Variants in ZFHX3 observed in about 807,000 individuals in gnomAD.
ZFHX3 encodes the protein zinc finger homeobox 3.
A neutral mutation model predicts 279.1 loss-of-function variants in ZFHX3; 42 were observed. That is an observed-to-expected ratio of 0.15 (90% CI 0.12 to 0.19). ZFHX3 has a LOEUF of 0.19. ZFHX3 is among the 10% of genes least tolerant of loss of function. The pLI, the probability that ZFHX3 is intolerant of heterozygous loss-of-function variation, is 1.00. For missense variants in ZFHX3, 4,981 were observed against 4,754.0 expected, an observed-to-expected ratio of 1.05 and a Z score of -1.40; for synonymous variants, 2,293 against 1,957.8, an observed-to-expected ratio of 1.17 and a Z score of -4.52.
At chr16:72,838,216 T>C (rs2037247727) in intron 4 of ZFHX3, among the ~76,000 whole-genome samples, 2 of 152,226 alleles carry the variant, frequency 1.3e-5, no homozygotes, top group Non-Finnish European at 2.9e-5. Flanking sequence ...ACTCTGGGTA[T>C]TATTAAAAAT....
chr16:73,270,253 A>C (rs1172774852), intron 4 of ZFHX3, among the ~76,000 whole-genome samples: 1 of 152,208 alleles, frequency 6.6e-6, no homozygotes, highest in African/African-American at 2.4e-5. Flanking sequence ...TATTTAAAAA[A>C]TCACTTTAAA....
At position 73,429,669 on chromosome 16, in the gene ZFHX3, T is replaced by G. The variant is rs530675388; in HGVS notation, c.-1291+26334A>C. ...ATTTTTTTAAGCCAATTTTTAAAAATGTAAAATTGCCAGATTTTAAACGTT... is the reference window on the plus strand; with the variant it reads ...ATTTTTTTAAGCCAATTTTTAAAAAGGTAAAATTGCCAGATTTTAAACGTT... On this transcript the variant is annotated intron_variant, in intron 3 of 17. Transcript: ENST00000641206. 2.0e-5 allele frequency among the ~76,000 whole-genome samples: 3 copies of G among 152,168 alleles called. No homozygotes were observed. The South Asian group carries it at 6.2e-4, about 32-fold the overall frequency.
chr16:73,699,939 C>A (rs972773141), intron 1 of ZFHX3, among the ~76,000 whole-genome samples: 1 of 152,110 alleles, frequency 6.6e-6, no homozygotes, highest in African/African-American at 2.4e-5. Flanking sequence ...AAAAAGCATT[C>A]CTGGCTGGGT....
intron 2 of ZFHX3, among the ~76,000 whole-genome samples, chr16:73,485,817 C>T (rs910337260): frequency 3.9e-5 from 6 of 152,204 alleles, no homozygotes; most frequent in Non-Finnish European, 7.3e-5. Context: ...ATACTACTTC[C>T]CCCACACAGC....
intron 7 of ZFHX3, chr16:73,127,611 C>T (rs1966592774): frequency 7.7e-7 from 1 of 1,293,776 alleles, no homozygotes. Context: ...TGCTGGCAGG[C>T]AAGAAAGGAA....
At chr16:73,715,766 G>T (rs1226850497) in intron 1 of ZFHX3, among the ~76,000 whole-genome samples, 7 of 151,634 alleles carry the variant, frequency 4.6e-5, no homozygotes, top group Non-Finnish European at 1.0e-4. Flanking sequence ...TTGAGTCGGG[G>T]TTTCACCATC....
intron 1 of ZFHX3, among the ~76,000 whole-genome samples, chr16:73,820,760 AC>A (rs1249761191): frequency 6.6e-6 from 1 of 151,884 alleles, no homozygotes; most frequent in African/African-American, 2.4e-5. Flanking sequence ...TAACTGGAAC[AC>A]CAACCACACT....
rs371139392 is a variant in ZFHX3, at chr16:72,917,768, T to TTG, written c.3217-27808_3217-27807dup. On this transcript the variant is annotated intron_variant, in intron 3 of 9. Transcript: ENST00000268489. Reference sequence around the variant, plus strand: ...TGGTAGTGAAATTAGGGATGATTTTTTGTGTGTGTGTCTCTGCATTTCCAA... The same window carrying TTG: ...TGGTAGTGAAATTAGGGATGATTTTTTGTGTGTGTGTGTCTCTGCATTTCCAA... 1.3e-3 allele frequency among the ~76,000 whole-genome samples: 195 copies of TTG among 152,358 alleles called. 2 individuals carry two copies. Among genetic ancestry groups the TTG allele is most frequent in the African/African-American group, 4.3e-3 (179 of 41,586 alleles).
At chr16:73,386,516 CG>C (rs1190725596) in intron 3 of ZFHX3, among the ~76,000 whole-genome samples, 1 of 152,048 alleles carries the variant, frequency 6.6e-6, no homozygotes, top group Admixed American at 6.6e-5. Flanking sequence ...AATAATATTA[CG>C]GACATAACAT....
upstream of ZFHX3, among the ~76,000 whole-genome samples, chr16:73,050,121 A>T (rs1192769170): frequency 1.3e-5 from 2 of 152,238 alleles, no homozygotes; most frequent in African/African-American, 4.8e-5. Flanking sequence ...CATTTTTATT[A>T]ACAGGGGACA....
At chr16:73,860,414 C>G (rs926267791) in intron 1 of ZFHX3, among the ~76,000 whole-genome samples, 2 of 111,296 alleles carry the variant, frequency 1.8e-5, no homozygotes, top group Non-Finnish European at 3.8e-5. Flanking sequence ...GGCAATTTTT[C>G]TAGTCCCACC....
intron 1 of ZFHX3, among the ~76,000 whole-genome samples, chr16:73,766,180 G>A (rs557596817): frequency 7.9e-4 from 120 of 152,230 alleles, no homozygotes; most frequent in South Asian, 1.9e-3. Flanking sequence ...TAGTGACAGC[G>A]TGCATAAAAT....
intron 2 of ZFHX3, among the ~76,000 whole-genome samples, chr16:73,546,658 T>C (rs891801696): frequency 8.1e-5 from 12 of 148,544 alleles, no homozygotes; most frequent in East Asian, 2.0e-4. Flanking sequence ...AGAAAAAGCT[T>C]TGGGTGCTGC....
chr16:73,736,753 A>G (rs568920848), intron 1 of ZFHX3, among the ~76,000 whole-genome samples: 6 of 152,274 alleles, frequency 3.9e-5, no homozygotes, highest in Admixed American at 3.9e-4. Context: ...TTTATCAGCC[A>G]CTCCATTCAT....
chr16:73,351,127 G>A (rs2016233621), intron 3 of ZFHX3, among the ~76,000 whole-genome samples: 1 of 152,218 alleles, frequency 6.6e-6, no homozygotes, highest in Non-Finnish European at 1.5e-5. Context: ...CAGACAGATA[G>A]AAACAGAGGG....
chr16:73,791,659 G>A (rs1597117372), intron 1 of ZFHX3, among the ~76,000 whole-genome samples: 2 of 152,048 alleles, frequency 1.3e-5, no homozygotes, highest in Admixed American at 1.3e-4. Flanking sequence ...TCCTGACCTC[G>A]TGTTCCGTCC....
chr16:73,483,563 T>A, intron 2 of ZFHX3: 1 of 348,364 alleles, frequency 2.9e-6, no homozygotes, highest in Non-Finnish European at 5.6e-6. Context: ...ATCCGTCAGC[T>A]GCCTACAAGG....
intron 1 of ZFHX3, among the ~76,000 whole-genome samples, chr16:73,795,629 C>A (rs1219804315): frequency 6.6e-6 from 1 of 152,194 alleles, no homozygotes; most frequent in Non-Finnish European, 1.5e-5. Context: ...TGACAGGTGT[C>A]CTACAGAATC....
Position 72,798,145 on chromosome 16 carries a change from C to T in ZFHX3, c.4537G>A (p.Val1513Ile), listed in dbSNP as rs367543587. The change falls in exon 9 of 10, where the codon GTA (valine) becomes ATA (isoleucine). Residue 1513 changes from valine to isoleucine, a missense_variant. By Grantham distance (29) the Val-to-Ile change is conservative. Coordinates refer to ENST00000268489, the MANE Select transcript of ZFHX3 (RefSeq NM_006885.4). ...GGCTCTGAGCCCGAGTCTTCTTGTA[C>T]TGACCCAGAGTCACTGCCCGTTGGG... The part of the protein sequence containing the change: ...QSPTGSDSGS[V>I]QEDSGSEPKR... 1.2e-6 allele frequency: 2 copies of T among 1,614,240 alleles called. No individual in the cohort carries two copies. The highest frequency in any genetic ancestry group is 1.7e-6 in the Non-Finnish European group (2 of 1,180,044).
Sources: gnomAD v4.1 joint callset for allele counts (sites outside exome capture counted in the v4.1 genomes callset) on GRCh38, gnomAD v4.1.1 for gene constraint, MANE v1.5 for transcripts, NCBI Gene and HGNC (gene_info 2026-07-23, HGNC 2026-07-21) for gene names.